Variants in KIF13B observed in about 807,000 individuals in gnomAD.
The protein encoded by KIF13B is kinesin-like protein KIF13B.
A neutral mutation model predicts 222.0 loss-of-function variants in KIF13B; 127 were observed. That is an observed-to-expected ratio of 0.57 (90% CI 0.50 to 0.66). The LOEUF is 0.66. KIF13B is among the 30% of genes least tolerant of loss of function. The pLI, the probability that KIF13B is intolerant of heterozygous loss-of-function variation, is 0.00. For missense variants in KIF13B, 2,173 were observed against 2,379.0 expected (o/e 0.91, Z 1.80); for synonymous variants, 976 against 919.0 (o/e 1.06, Z -1.12).
intron 1 of KIF13B, among the ~76,000 whole-genome samples, chr8:29,252,863 T>G (rs1816335564): frequency 6.6e-6 from 1 of 152,166 alleles, no homozygotes; most frequent in African/African-American, 2.4e-5. Context: ...AGAAAAAAAA[T>G]TATGTGATAC....
intron 37 of KIF13B, among the ~76,000 whole-genome samples, chr8:29,090,757 T>A (rs1808261429): frequency 6.6e-6 from 1 of 152,250 alleles, no homozygotes; most frequent in African/African-American, 2.4e-5. Context: ...TCACCCAGGC[T>A]GGAATGCAGT....
At chr8:29,143,505 C>A (rs1336320605) in intron 18 of KIF13B, among the ~76,000 whole-genome samples, 1 of 152,214 alleles carries the variant, frequency 6.6e-6, no homozygotes, top group Non-Finnish European at 1.5e-5. Flanking sequence ...AAGCGGTGCT[C>A]ACACCACATT....
In KIF13B at chr8:29,070,217, C is replaced by A. The variant is rs1415953501; in HGVS notation, c.*287G>T. On this transcript the variant is annotated 3_prime_UTR_variant, in exon 40 of 40. Coordinates refer to ENST00000524189, the MANE Select transcript of KIF13B (RefSeq NM_015254.4). The surrounding 1 kb of genome is among the most constrained non-coding windows in gnomAD (Gnocchi z 4.1). ...ACAGGCACACAGCAAGATCACCAGG[C>A]GCTGCACCACCCAGGGTCTCAGTCC... The A allele has an allele frequency of 1.0e-5, 5 of 496,650 alleles. No individual in the cohort carries two copies. In the East Asian group the frequency reaches 2.0e-4, roughly 20 times the overall value. 30.8% of individuals were successfully genotyped at this position (496,650 alleles called of 1,614,324 possible). A position where few individuals can be genotyped will look rare whatever the true frequency, so the allele number is the denominator to read the frequency against.
At chr8:29,255,056 G>T (rs765535504) in intron 1 of KIF13B, among the ~76,000 whole-genome samples, 3 of 152,200 alleles carry the variant, frequency 2.0e-5, no homozygotes, top group Non-Finnish European at 4.4e-5. Flanking sequence ...CATAATATAG[G>T]ATTCCATGTA....
chr8:29,115,040 T>C (rs1057498413), intron 31 of KIF13B, among the ~76,000 whole-genome samples: 1 of 152,190 alleles, frequency 6.6e-6, no homozygotes, highest in Non-Finnish European at 1.5e-5. Context: ...TGATGTTGGA[T>C]TGCCAAGCTA....
intron 18 of KIF13B, among the ~76,000 whole-genome samples, chr8:29,143,374 G>T (rs1025694272): frequency 6.6e-6 from 1 of 152,174 alleles, no homozygotes; most frequent in Non-Finnish European, 1.5e-5. Context: ...TATAAAACAT[G>T]AAACACTTAA....
chr8:29,108,622 T>G (rs193028682), intron 34 of KIF13B, among the ~76,000 whole-genome samples: 47 of 152,362 alleles, frequency 3.1e-4, no homozygotes, highest in Admixed American at 3.0e-3. Flanking sequence ...TCTGCATATG[T>G]CAGTGTATTT....
At chr8:29,144,937 C>G (rs1022068299) in intron 18 of KIF13B, among the ~76,000 whole-genome samples, 1 of 152,118 alleles carries the variant, frequency 6.6e-6, no homozygotes, top group African/African-American at 2.4e-5. Flanking sequence ...TCAACAAAGC[C>G]CAAAAGAGGT....
At chr8:29,077,460 AG>A (rs1443480524) in intron 37 of KIF13B, among the ~76,000 whole-genome samples, 4 of 152,272 alleles carry the variant, frequency 2.6e-5, no homozygotes, top group Non-Finnish European at 5.9e-5. Context: ...TGACAAAAGC[AG>A]AAAAAACATT....
At chr8:29,256,384 C>T (rs1163646434) in intron 1 of KIF13B, among the ~76,000 whole-genome samples, 4 of 152,198 alleles carry the variant, frequency 2.6e-5, no homozygotes, top group South Asian at 2.1e-4. Flanking sequence ...CACGTCACCC[C>T]GGTGGAACTT....
intron 7 of KIF13B, among the ~76,000 whole-genome samples, chr8:29,180,750 T>C (rs1586890217): frequency 6.6e-6 from 1 of 152,098 alleles, no homozygotes; most frequent in Non-Finnish European, 1.5e-5. Context: ...ATTTACCACT[T>C]GGTTGCTACT....
At chr8:29,261,306 T>C (rs1234414216) in intron 1 of KIF13B, among the ~76,000 whole-genome samples, 2 of 152,192 alleles carry the variant, frequency 1.3e-5, no homozygotes, top group Non-Finnish European at 2.9e-5. Context: ...TATTACAACC[T>C]TATCAATGGC....
chr8:29,223,179 CA>C (rs1239296856), intron 2 of KIF13B, among the ~76,000 whole-genome samples: 15 of 111,454 alleles, frequency 1.3e-4, no homozygotes, highest in South Asian at 2.9e-4. Context: ...AAAAAAAAAA[CA>C]AAAAAAAAAA....
At chr8:29,113,064 GA>G (rs910453273) in intron 32 of KIF13B, among the ~76,000 whole-genome samples, 23 of 150,732 alleles carry the variant, frequency 1.5e-4, no homozygotes, top group East Asian at 5.8e-4. Flanking sequence ...CATTTGACAA[GA>G]AAAAAAAAAT....
intron 10 of KIF13B, among the ~76,000 whole-genome samples, chr8:29,173,958 A>C (rs2323468): frequency 0.12 from 17,619 of 149,846 alleles, 1,184 homozygotes; most frequent in South Asian, 0.15. Flanking sequence ...AAAAAAAAAA[A>C]CTCATTTGGT....
chr8:29,213,470 C>T (rs546706897), intron 2 of KIF13B, among the ~76,000 whole-genome samples: 3 of 152,146 alleles, frequency 2.0e-5, no homozygotes, highest in Non-Finnish European at 2.9e-5. Flanking sequence ...GGAATATGTT[C>T]AGGAAATGCA....
At chr8:29,255,689 A>C (rs1290960188) in intron 1 of KIF13B, among the ~76,000 whole-genome samples, 1 of 151,626 alleles carries the variant, frequency 6.6e-6, no homozygotes, top group Non-Finnish European at 1.5e-5. Context: ...ACGCCCACTC[A>C]CTCCTCAGCC....
At chr8:29,262,921 A>C (rs887576159) in intron 1 of KIF13B, 59 bp downstream of exon 1, 24 of 1,398,686 alleles carry the variant, frequency 1.7e-5, no homozygotes, top group South Asian at 1.7e-4. Flanking sequence ...GGCCGAGGGA[A>C]GGGCGCGCCA....
intron 19 of KIF13B, 86 bp downstream of exon 19, chr8:29,142,071 C>A: frequency 9.2e-7 from 1 of 1,089,960 alleles, no homozygotes; most frequent in South Asian, 1.6e-5. Flanking sequence ...GGAAAAAGAA[C>A]AATTTTCCCC....
Sources: gnomAD v4.1 joint callset for allele counts (sites outside exome capture counted in the v4.1 genomes callset) on GRCh38, gnomAD v4.1.1 for gene constraint, Gnocchi (gnomAD v3.1) non-coding constraint, MANE v1.5 for transcripts, NCBI Gene and HGNC (gene_info 2026-07-23, HGNC 2026-07-21) for gene names.